The following CELA2A variants were observed in gnomAD, a reference collection of about 807,000 sequenced individuals.
CELA2A encodes chymotrypsin like elastase 2A.
In CELA2A, 31 loss-of-function variants were observed where a neutral mutation model predicts 35.3. The ratio of observed to expected loss-of-function variants is 0.88; its 90% confidence interval spans 0.66 to 1.19. The LOEUF is 1.19. CELA2A is among the 50% of genes most tolerant of loss of function. CELA2A has a pLI of 0.00. For missense variants in CELA2A, 330 were observed against 352.9 expected, an observed-to-expected ratio of 0.94 and a Z score of 0.52; for synonymous variants, 150 against 149.8, an observed-to-expected ratio of 1.00 and a Z score of -0.01.
chr1:15,457,477 G>T, intron 2 of CELA2A: 1 of 299,156 alleles, frequency 3.3e-6, no homozygotes, highest in Non-Finnish European at 6.4e-6. Context: ...AGGTGTGGTG[G>T]CACACGCCTG....
Position 15,466,041 on chromosome 1 carries a change from T to TA in CELA2A, c.536_537insA (p.Val180GlyfsTer27). ...GATGTCCTGCAGCAGGGCCGGTTGCTGGTTGTGGACTATGCCACCTGCTCC... is the reference window on the plus strand; with the variant it reads ...GATGTCCTGCAGCAGGGCCGGTTGCTAGGTTGTGGACTATGCCACCTGCTCC... On this transcript the variant is annotated frameshift_variant, in exon 6 of 8. Transcript: ENST00000359621. LOFTEE classifies it high-confidence loss of function. 2 of 1,614,170 alleles carry TA rather than the reference T, an allele frequency of 1.2e-6. No individual in the cohort carries two copies. Among genetic ancestry groups the TA allele is most frequent in the Middle Eastern group, 1.7e-4 (1 of 6,060 alleles).
intron 7 of CELA2A, among the ~76,000 whole-genome samples, chr1:15,470,979 AG>A (rs1268224635): frequency 6.6e-6 from 1 of 152,228 alleles, no homozygotes; most frequent in Non-Finnish European, 1.5e-5. Flanking sequence ...GCAAAAACTA[AG>A]ATCTGAGTCT....
rs185105074 is a variant in CELA2A, at chr1:15,464,605, A to T, written c.493+1083A>T. ...GGGGTACATCCACATACGTACCCTC[A>T]AATAATTCCCATTGCCCTCTTGACT... On this transcript the variant is annotated intron_variant, in intron 5 of 7. Transcript: ENST00000359621. Among the ~76,000 whole-genome samples the T allele has an allele frequency of 2.6e-4, 39 of 152,334 alleles. 1 individual carries two copies. The highest frequency in any genetic ancestry group is 2.2e-3 in the Admixed American group (34 of 15,300).
chr1:15,469,593 C>A (rs1708564647), intron 7 of CELA2A, among the ~76,000 whole-genome samples: 1 of 152,192 alleles, frequency 6.6e-6, no homozygotes, highest in Non-Finnish European at 1.5e-5. Flanking sequence ...TTGCCAGATC[C>A]TTGTTCATTT....
chr1:15,458,672 G>A (rs1413139258), intron 2 of CELA2A, among the ~76,000 whole-genome samples: 1 of 152,008 alleles, frequency 6.6e-6, no homozygotes, highest in African/African-American at 2.4e-5. Context: ...CAGCACTTTG[G>A]CAGGCCGAGG....
Position 15,457,101 on chromosome 1 carries a change from A to G in CELA2A, c.56A>G (p.Asp19Gly), listed in dbSNP as rs1364287687. The G allele has an allele frequency of 1.2e-6, 2 of 1,613,730 alleles. No homozygotes were observed. The highest frequency in any genetic ancestry group is 2.7e-5 in the African/African-American group (2 of 74,812). ...TLVAGALSCGDPTYPPYVTRV... is the reference protein window; with the variant it reads ...TLVAGALSCGGPTYPPYVTRV... ...CTTTTCACAGCCCTCAGTTGTGGGG[A>G]CCCCACTTACCCACCTTATGTGACT... is the stretch of plus-strand genomic sequence containing the variant. The change falls in exon 2 of 8, where the codon GAC becomes GGC. Residue 19 changes from aspartate (D) to glycine (G), a missense_variant. Physicochemically the swap from Asp to Gly is moderately conservative, Grantham distance 94. Transcript: ENST00000359621.
At chr1:15,467,603 T>C in intron 7 of CELA2A, 65 bp downstream of exon 7, 2 of 1,567,848 alleles carry the variant, frequency 1.3e-6, no homozygotes, top group Non-Finnish European at 1.7e-6. Flanking sequence ...GGGAGTGCCA[T>C]GCCCACCTGG....
chr1:15,457,247 A>G (rs1708374903), intron 2 of CELA2A, 73 bp downstream of exon 2: 1 of 1,431,164 alleles, frequency 7.0e-7, no homozygotes, highest in South Asian at 1.2e-5. Context: ...CCCTTCCACC[A>G]TGGCGTCTAT....
chr1:15,467,323 A>G, intron 6 of CELA2A, 63 bp from the exon 7 acceptor site: 3 of 1,529,732 alleles, frequency 2.0e-6, no homozygotes, highest in Non-Finnish European at 2.7e-6. Flanking sequence ...CATTGAGAAC[A>G]ATGGTTCCAA....
At chr1:15,458,413 T>G (rs1422565248) in intron 2 of CELA2A, among the ~76,000 whole-genome samples, 6 of 152,204 alleles carry the variant, frequency 3.9e-5, no homozygotes, top group Non-Finnish European at 8.8e-5. Flanking sequence ...ATTTCATTGG[T>G]TACATGTTTA....
intron 4 of CELA2A, chr1:15,463,103 G>A: frequency 1.4e-6 from 1 of 724,032 alleles, no homozygotes; most frequent in Non-Finnish European, 2.2e-6. Context: ...ACACCTGCAG[G>A]GCCCCTGTCC....
At position 15,457,182 on chromosome 1, in the gene CELA2A, G is replaced by A; in HGVS notation, c.129+8G>A. On this transcript the variant is annotated splice_region_variant and intron_variant, in intron 2 of 7. Transcript: ENST00000359621. ...AACAGCTGGCCCTGGCAGGTGAGTTGACCACACTGTACTTCTCCCCGTCCC... is the reference window on the plus strand; with the variant it reads ...AACAGCTGGCCCTGGCAGGTGAGTTAACCACACTGTACTTCTCCCCGTCCC... The A allele has an allele frequency of 6.2e-7, 1 of 1,613,606 alleles. No homozygotes were observed. The highest frequency in any genetic ancestry group is 8.5e-7 in the Non-Finnish European group (1 of 1,179,572).
At chr1:15,459,171 T>C (rs1299578824) in intron 2 of CELA2A, among the ~76,000 whole-genome samples, 1 of 150,852 alleles carries the variant, frequency 6.6e-6, no homozygotes, top group Non-Finnish European at 1.5e-5. Flanking sequence ...AATTTTTTTT[T>C]TTTTTTGAGA....
At position 15,463,467 on chromosome 1, in the gene CELA2A, C is replaced by G. The variant is rs777767234; in HGVS notation, c.438C>G (p.Gly146=). The G allele has an allele frequency of 6.2e-7, 1 of 1,614,070 alleles. No individual in the cohort carries two copies. Among genetic ancestry groups the G allele is most frequent in the Non-Finnish European group, 8.5e-7 (1 of 1,179,950 alleles). ...AGCTGGCCTGCCTCCCTCCTGCCGG[C>G]ACCATTCTACCCAACAACTACCCCT... ...KIQLACLPPA[G]TILPNNYPCY... is the part of the protein sequence containing the mutation. Residue 146 remains glycine, a synonymous_variant, in exon 5 of 8, where the codon GGC becomes GGG. Transcript: ENST00000359621.
rs538394138 is a variant in CELA2A at position 15,463,368 on chromosome 1, G to A, written c.357-18G>A. On this transcript the variant is annotated intron_variant, in intron 4 of 7. Coordinates refer to ENST00000359621, the MANE Select transcript of CELA2A (RefSeq NM_033440.3). ...AAAGTCAACCCGGTCCTCATGCTTC[G>A]CCTCCACACTCACCCAGGAACGACA... The A allele has an allele frequency of 8.2e-5, 133 of 1,613,226 alleles. No homozygotes were observed. The highest frequency in any genetic ancestry group is 1.8e-4 in the Middle Eastern group (1 of 5,530).
At chr1:15,467,624 T>C (rs756677123) in intron 7 of CELA2A, 86 bp downstream of exon 7, 236 of 1,493,234 alleles carry the variant, frequency 1.6e-4, no homozygotes, top group Admixed American at 3.1e-4. Flanking sequence ...TGACTGAGAA[T>C]CCCCTCCTTC....
intron 6 of CELA2A, among the ~76,000 whole-genome samples, chr1:15,466,601 GT>G (rs1041064340): frequency 2.0e-5 from 3 of 150,774 alleles, no homozygotes; most frequent in Admixed American, 2.0e-4. Flanking sequence ...TTTTGTTCTT[GT>G]TTTGAGATGT....
At chr1:15,461,003 GGGAAA>G (rs951377353) in intron 2 of CELA2A, among the ~76,000 whole-genome samples, 3 of 152,290 alleles carry the variant, frequency 2.0e-5, no homozygotes, top group Admixed American at 6.5e-5. Flanking sequence ...CATGGCAGAA[GGGAAA>G]GGAAACACAT....
At chr1:15,457,801 A>C (rs1708382040) in intron 2 of CELA2A, among the ~76,000 whole-genome samples, 2 of 152,184 alleles carry the variant, frequency 1.3e-5, no homozygotes, top group Admixed American at 1.3e-4. Flanking sequence ...ATTCAAGACT[A>C]CCTATGCAAA....
Sources: allele counts gnomAD v4.1 joint callset (sites outside exome capture counted in the v4.1 genomes callset), GRCh38; gene constraint gnomAD v4.1.1; transcripts MANE v1.5; gene names NCBI Gene and HGNC (gene_info 2026-07-23, HGNC 2026-07-21).